Variants in MYH16 observed in about 807,000 individuals in gnomAD.
The protein encoded by MYH16 is putative uncharacterized protein MYH16.
rs1379040977 is a variant in MYH16, at chr7:99,302,307, A to AT, written n.5137+503_5137+504insT. ...TGACAGAGTGACCATCTCAAAAAAAAAAAAATATATACACACACACACACA... is the reference window on the plus strand; with the variant it reads ...TGACAGAGTGACCATCTCAAAAAAAATAAAAATATATACACACACACACACA... On this transcript the variant is annotated intron_variant and non_coding_transcript_variant, in intron 38 of 41. Coordinates refer to ENST00000439784, the Ensembl canonical transcript of MYH16. 7.5e-4 allele frequency among the ~76,000 whole-genome samples: 89 copies of AT among 118,708 alleles called. 2 individuals are homozygous for AT. The highest frequency in any genetic ancestry group is 3.8e-3 in the African/African-American group (81 of 21,272). The allele number at this position is 118,708 out of a possible 152,430, so 77.9% of individuals were successfully genotyped here. A position where few individuals can be genotyped will look rare whatever the true frequency, so the allele number is the denominator to read the frequency against.
At chr7:99,270,655 T>A (rs1232563594) in intron 18 of MYH16, among the ~76,000 whole-genome samples, 1 of 151,224 alleles carries the variant, frequency 6.6e-6, no homozygotes, top group East Asian at 2.0e-4. Context: ...TGGTGGCACA[T>A]GCCTGTAATC....
intron 9 of MYH16, among the ~76,000 whole-genome samples, chr7:99,256,822 G>A (rs1489202276): frequency 2.6e-5 from 4 of 151,212 alleles, no homozygotes; most frequent in Admixed American, 6.6e-5. Flanking sequence ...GTGGTGGCAC[G>A]CACCTGTTAT....
At chr7:99,282,810 A>G (rs1792217908) in intron 23 of MYH16, among the ~76,000 whole-genome samples, 1 of 147,598 alleles carries the variant, frequency 6.8e-6, no homozygotes, top group East Asian at 2.0e-4. Context: ...AGTCTGAGTG[A>G]CAGAGGAAGA....
chr7:99,252,785 T>G (rs1242413411), intron 6 of MYH16: 1 of 154,510 alleles, frequency 6.5e-6, no homozygotes, highest in Non-Finnish European at 1.4e-5. Context: ...ACCTCCCTCC[T>G]GATCCCTCCC....
At chr7:99,281,599 G>T (rs749489618) in intron 23 of MYH16, among the ~76,000 whole-genome samples, 3 of 152,142 alleles carry the variant, frequency 2.0e-5, no homozygotes, top group Non-Finnish European at 2.9e-5. Flanking sequence ...GTTAGGTTGG[G>T]CCCATGCACA....
At position 99,243,114 on chromosome 7, in the gene MYH16, C is replaced by A. The variant is rs573371537; in HGVS notation, n.211-164C>A. Among the ~76,000 whole-genome samples, 8 of 152,340 alleles carry A rather than the reference C, an allele frequency of 5.3e-5. No homozygotes were observed. The South Asian group carries it at 1.5e-3, about 28-fold the overall frequency. ...TGAAGCTGCATTGGCCTCAGAAGTG[C>A]CTCCCCATCCCAGGACACACAGGGG... is the stretch of plus-strand genomic sequence containing the variant. On this transcript the variant is annotated intron_variant and non_coding_transcript_variant, in intron 1 of 41. Coordinates refer to ENST00000439784, the Ensembl canonical transcript of MYH16.
At chr7:99,297,028 C>G (rs890226999) in intron 34 of MYH16, 111 bp downstream of exon 15, 1 of 379,178 alleles carries the variant, frequency 2.6e-6, no homozygotes, top group East Asian at 7.4e-5. Flanking sequence ...AGTAGGTGCT[C>G]AATAAATGTT....
chr7:99,299,264 C>T (rs1792553213), intron 36 of MYH16, among the ~76,000 whole-genome samples: 1 of 151,986 alleles, frequency 6.6e-6, no homozygotes, highest in South Asian at 2.1e-4. Context: ...CAGAGTGACT[C>T]TAAAACAACA....
At chr7:99,247,579 C>T (rs1196992970) in intron 2 of MYH16, 3 of 170,624 alleles carry the variant, frequency 1.8e-5, no homozygotes, top group East Asian at 3.0e-4. Flanking sequence ...GACCATCTTC[C>T]CTCCCTCCCA....
At chr7:99,301,265 A>G (rs181388477) in intron 37 of MYH16, among the ~76,000 whole-genome samples, 308 of 151,564 alleles carry the variant, frequency 2.0e-3, no homozygotes, top group Non-Finnish European at 3.6e-3. Flanking sequence ...GCATCAGCCT[A>G]GCCAGGATTA....
chr7:99,248,837 C>A (rs1369597004), intron 3 of MYH16, among the ~76,000 whole-genome samples: 1 of 152,210 alleles, frequency 6.6e-6, no homozygotes, highest in Non-Finnish European at 1.5e-5. Context: ...ACAGATCCCA[C>A]AGGATCCTGA....
At chr7:99,253,849 C>T (rs1791840151) in intron 8 of MYH16, 1 of 172,190 alleles carries the variant, frequency 5.8e-6, no homozygotes, top group Admixed American at 5.7e-5. Context: ...TGTCTATCCA[C>T]CTGCCCCTGA....
intron 31 of MYH16, 36 bp downstream of exon 12, chr7:99,291,486 C>T (rs1792375498): frequency 2.2e-6 from 1 of 453,916 alleles, no homozygotes; most frequent in Non-Finnish European, 4.4e-6. Context: ...GGAGACAGAG[C>T]TGCCGCCTTA....
chr7:99,257,000 C>T (rs1232399404), intron 9 of MYH16, among the ~76,000 whole-genome samples: 1 of 152,228 alleles, frequency 6.6e-6, no homozygotes, highest in African/African-American at 2.4e-5. Context: ...TGAGCACTTA[C>T]TATGTGCCAA....
chr7:99,275,273 C>T (rs1336020050), intron 20 of MYH16, among the ~76,000 whole-genome samples: 1 of 152,094 alleles, frequency 6.6e-6, no homozygotes, highest in Non-Finnish European at 1.5e-5. Flanking sequence ...GCTGAGATTA[C>T]AGGTACACAG....
At chr7:99,267,819 C>T (rs1409341727) in intron 18 of MYH16, among the ~76,000 whole-genome samples, 1 of 152,176 alleles carries the variant, frequency 6.6e-6, no homozygotes, top group Non-Finnish European at 1.5e-5. Context: ...CGCCCTGCCC[C>T]CCACAACAAA....
At chr7:99,244,940 G>C (rs1015203208) in intron 2 of MYH16, among the ~76,000 whole-genome samples, 1 of 152,252 alleles carries the variant, frequency 6.6e-6, no homozygotes, top group African/African-American at 2.4e-5. Flanking sequence ...TAGCCTGAGA[G>C]ACCAGGGCAG....
chr7:99,292,172 G>A (rs1211190445), intron 31 of MYH16, 140 bp from the exon 13 acceptor site: 12 of 341,336 alleles, frequency 3.5e-5, no homozygotes, highest in South Asian at 2.2e-4. Flanking sequence ...TTAAAACCCC[G>A]ATGGTTTGGA....
At chr7:99,279,217 G>T (rs1328526703) in intron 21 of MYH16, among the ~76,000 whole-genome samples, 1 of 151,772 alleles carries the variant, frequency 6.6e-6, no homozygotes, top group South Asian at 2.1e-4. Context: ...AACTTAGCTG[G>T]GCATTGCAGT....
Sources: gnomAD v4.1 joint callset for allele counts (sites outside exome capture counted in the v4.1 genomes callset) on GRCh38, gnomAD v4.1.1 for gene constraint, MANE v1.5 for transcripts, NCBI Gene and HGNC (gene_info 2026-07-23, HGNC 2026-07-21) for gene names.